Variants in NLN observed in about 807,000 individuals in gnomAD.
NLN encodes the protein neurolysin.
NLN carries 64 observed loss-of-function variants against 79.9 expected under a neutral mutation model. That is an observed-to-expected ratio of 0.80 (90% confidence interval 0.65 to 0.99). The LOEUF is 0.99. Ranked by LOEUF, NLN falls within the 50% of genes least tolerant of loss-of-function variation. The pLI is 0.00. For missense variants in NLN, 835 were observed against 858.7 expected, an observed-to-expected ratio of 0.97 and a Z score of 0.34; for synonymous variants, 267 against 296.6, an observed-to-expected ratio of 0.90 and a Z score of 1.02.
At chr5:65,785,481 G>T (rs781734510) in intron 6 of NLN, among the ~76,000 whole-genome samples, 1 of 151,792 alleles carries the variant, frequency 6.6e-6, no homozygotes, top group African/African-American at 2.4e-5. Flanking sequence ...ATATGGATTC[G>T]CTATATTCCT....
At chr5:65,759,098 C>T (rs1049969034) in intron 2 of NLN, among the ~76,000 whole-genome samples, 2 of 152,146 alleles carry the variant, frequency 1.3e-5, no homozygotes, top group African/African-American at 4.8e-5. Flanking sequence ...CACACCTAGA[C>T]ATTTATTCTA....
In NLN at chr5:65,758,549, T is replaced by C; in HGVS notation, c.42-18T>C. 1 of 1,580,008 alleles carries C rather than the reference T, an allele frequency of 6.3e-7. No individual in the cohort carries two copies. The highest frequency in any genetic ancestry group is 8.7e-7 in the Non-Finnish European group (1 of 1,151,196). On this transcript the variant is annotated intron_variant, in intron 1 of 12. Transcript: ENST00000380985. Reference sequence around the variant, plus strand: ...AACAGAAATCCCTAATTCTTATTCTTTTTCTGATTCTTTTTAGAGTTGGTG... The same window carrying C: ...AACAGAAATCCCTAATTCTTATTCTCTTTCTGATTCTTTTTAGAGTTGGTG...
At chr5:65,817,300 G>T (rs761536854) in intron 12 of NLN, among the ~76,000 whole-genome samples, 2 of 152,138 alleles carry the variant, frequency 1.3e-5, no homozygotes, top group East Asian at 1.9e-4. Context: ...TTTTCTCAGT[G>T]AACATGAAGT....
chr5:65,810,322 G>C (rs1029472390), intron 11 of NLN, among the ~76,000 whole-genome samples, 157 bp downstream of exon 11: 1 of 152,190 alleles, frequency 6.6e-6, no homozygotes. Context: ...ATGTCCTTAT[G>C]AGTTATCCCG....
At chr5:65,781,220 T>A (rs755217083) in intron 5 of NLN, 41 bp from the exon 6 acceptor site, 2 of 1,409,944 alleles carry the variant, frequency 1.4e-6, no homozygotes, top group Non-Finnish European at 2.0e-6. Context: ...AAACCAGCAA[T>A]GAGTGGAAAA....
intron 1 of NLN, among the ~76,000 whole-genome samples, chr5:65,735,533 T>G (rs1758711109): frequency 6.6e-6 from 1 of 152,158 alleles, no homozygotes; most frequent in South Asian, 2.1e-4. Flanking sequence ...TCCTGGATAG[T>G]CTTCACATTC....
intron 1 of NLN, among the ~76,000 whole-genome samples, chr5:65,738,950 T>A (rs1168278075): frequency 0.014 from 1,132 of 80,696 alleles, 4 homozygotes; most frequent in Non-Finnish European, 0.017. Flanking sequence ...TTTATATATG[T>A]TTATATATAT....
At chr5:65,777,650 G>A in intron 4 of NLN, 116 bp downstream of exon 4, 3 of 671,300 alleles carry the variant, frequency 4.5e-6, no homozygotes, top group South Asian at 2.0e-5. Flanking sequence ...CAACTTTTGG[G>A]TGCCAACATG....
chr5:65,813,276 C>A (rs745986381), intron 12 of NLN, among the ~76,000 whole-genome samples: 1 of 152,074 alleles, frequency 6.6e-6, no homozygotes, highest in Non-Finnish European at 1.5e-5. Context: ...ATCTCCCATC[C>A]CACCCCACCC....
At chr5:65,788,690 G>A (rs1483774823) in intron 8 of NLN, among the ~76,000 whole-genome samples, 6 of 152,062 alleles carry the variant, frequency 3.9e-5, no homozygotes, top group African/African-American at 1.4e-4. Context: ...TTAAAAATTA[G>A]GTCAAGTGTG....
Position 65,809,589 on chromosome 5 carries a change from T to C in NLN, c.1602T>C (p.Asn534=). 3.7e-6 allele frequency: 6 copies of C among 1,613,800 alleles called. No homozygotes were observed. Among genetic ancestry groups the C allele is most frequent in the Non-Finnish European group, 5.1e-6 (6 of 1,179,954 alleles). Residue 534 remains asparagine, a synonymous_variant, in exon 10 of 13, where the codon AAT becomes AAC. Coordinates refer to ENST00000380985, the MANE Select transcript of NLN (RefSeq NM_020726.5). The part of the protein sequence containing the change: ...FVEVPSQMLE[N]WVWDVDSLRR... ...AGGTGCCATCGCAAATGCTTGAAAA[T>C]TGGGTGTGGGACGTCGATTCCCTCC...
intron 1 of NLN, among the ~76,000 whole-genome samples, chr5:65,751,151 A>C (rs546491474): frequency 6.6e-6 from 1 of 152,254 alleles, no homozygotes; most frequent in Non-Finnish European, 1.5e-5. Context: ...ATATTTGCCA[A>C]GTGTTTCAAA....
rs771196613 is a variant in NLN at position 65,824,724 on chromosome 5, C to T, written c.*1809C>T. On this transcript the variant is annotated 3_prime_UTR_variant, in exon 13 of 13. Transcript: ENST00000380985. ...TTCTTTCATACTTTAACGTTAAAAC[C>T]GAAATGCATGAGAGCAAAAGCACCA... 14 of 152,104 alleles carry T rather than the reference C, an allele frequency of 9.2e-5. No individual in the cohort carries two copies. The highest frequency in any genetic ancestry group is 3.9e-4 in the Admixed American group (6 of 15,260). 9.4% of individuals were successfully genotyped at this position (152,104 alleles called of 1,614,324 possible).
intron 3 of NLN, among the ~76,000 whole-genome samples, chr5:65,768,061 A>G (rs1759492659): frequency 6.6e-6 from 1 of 152,174 alleles, no homozygotes; most frequent in Admixed American, 6.5e-5. Flanking sequence ...ACTTTCCCAC[A>G]TCTTTCTCTC....
chr5:65,816,300 G>A (rs920513448), intron 12 of NLN, among the ~76,000 whole-genome samples: 5 of 152,104 alleles, frequency 3.3e-5, no homozygotes, highest in African/African-American at 1.2e-4. Context: ...AATACCACAT[G>A]TTCTCACTTA....
chr5:65,751,442 G>A (rs1759099524), intron 1 of NLN, among the ~76,000 whole-genome samples: 1 of 152,226 alleles, frequency 6.6e-6, no homozygotes, highest in Non-Finnish European at 1.5e-5. Context: ...GCTCATCAGT[G>A]TGCAGTGCAT....
intron 8 of NLN, among the ~76,000 whole-genome samples, chr5:65,792,192 G>A (rs916355370): frequency 7.2e-5 from 11 of 152,050 alleles, no homozygotes; most frequent in Non-Finnish European, 1.5e-4. Flanking sequence ...TTCAGCTGTC[G>A]GTGTGACATG....
intron 9 of NLN, among the ~76,000 whole-genome samples, chr5:65,799,050 T>G (rs2464813): frequency 0.4 from 60,959 of 151,862 alleles, 12,779 homozygotes; most frequent in Non-Finnish European, 0.45. Context: ...CCAGGGTAAT[T>G]TTTGTATTTT....
At chr5:65,780,628 A>G (rs1023152786) in intron 5 of NLN, among the ~76,000 whole-genome samples, 1 of 150,690 alleles carries the variant, frequency 6.6e-6, no homozygotes, top group Non-Finnish European at 1.5e-5. Flanking sequence ...CCTGCATTGT[A>G]TCTTAAACTA....
Sources: gnomAD v4.1 joint callset for allele counts (sites outside exome capture counted in the v4.1 genomes callset) on GRCh38, gnomAD v4.1.1 for gene constraint, MANE v1.5 for transcripts, NCBI Gene and HGNC (gene_info 2026-07-23, HGNC 2026-07-21) for gene names.